Variants in MEX3B observed in about 807,000 individuals in gnomAD.
The protein encoded by MEX3B is RNA-binding protein MEX3B.
A neutral mutation model predicts 12.2 loss-of-function variants in MEX3B; 10 were observed. The observed-to-expected ratio is 0.82, with a 90% confidence interval of 0.51 to 1.40. The LOEUF (loss-of-function observed/expected upper bound fraction) is 1.40. Ranked by LOEUF, MEX3B falls within the 40% of genes most tolerant of loss-of-function variation. MEX3B has a pLI of 0.00. For missense variants in MEX3B, 839 were observed against 801.4 expected (o/e 1.05, Z -0.57); for synonymous variants, 498 against 356.3 (o/e 1.40, Z -4.48).
At position 82,044,600 on chromosome 15, in the gene MEX3B, T is replaced by C. The variant is rs2073244743; in HGVS notation, c.270A>G (p.Lys90=). ...EIVGRQGCKI[K]ALRAKTNTYI... ...AAGTATTGGTCTTCGCCCGCAGCGC[T>C]TTGATTTTACAACCTACGAACCAGG... Residue 90 remains lysine, a synonymous_variant, in exon 2 of 2, where the codon AAA becomes AAG. Transcript: ENST00000329713. This position sits in a 1 kb window ranked among gnomAD's most constrained non-coding sequence, Gnocchi z 5.3. The C allele has an allele frequency of 1.2e-5, 19 of 1,614,124 alleles. No individual in the cohort carries two copies. The highest frequency in any genetic ancestry group is 1.5e-5 in the Non-Finnish European group (18 of 1,180,028).
In MEX3B at chr15:82,043,239, T is replaced by C. The variant is rs373048829; in HGVS notation, c.1631A>G (p.Asn544Ser). 39 of 1,600,968 alleles carry C rather than the reference T, an allele frequency of 2.4e-5. No individual in the cohort carries two copies. The highest frequency in any genetic ancestry group is 3.4e-5 in the South Asian group (3 of 89,406). ...GHNLFCMECA[N>S]RICEKSEPEC... ...GGGCTCGCTCTTCTCACAGATGCGA[T>C]TGGCGCACTCCATGCAGAAGAGGTT... Residue 544 changes from asparagine (N) to serine (S), a missense_variant, in exon 2 of 2, where the codon AAT becomes AGT. By Grantham distance (46) the Asn-to-Ser change is conservative. Transcript: ENST00000329713.
rs765298795 is a variant in MEX3B, at chr15:82,044,643, G to GGA, written c.257-32_257-31dup. The GGA allele has an allele frequency of 3.7e-6, 6 of 1,610,224 alleles. No individual in the cohort carries two copies. The highest frequency in any genetic ancestry group is 2.2e-5 in the East Asian group (1 of 44,866). The stretch of plus-strand genomic sequence containing the variant: ...GAACCAGGGTGCGGAGGAGGGAGTG[G>GGA]GAGAGAGAGACAGACACGCCCATTA... On this transcript the variant is annotated intron_variant, in intron 1 of 1. Coordinates refer to ENST00000329713, the MANE Select transcript of MEX3B (RefSeq NM_032246.6). This position sits in a 1 kb window ranked among gnomAD's most constrained non-coding sequence, Gnocchi z 5.3.
rs1856057585 is a variant in MEX3B, at chr15:82,045,643, G to A, written c.63C>T (p.Ser21=). 2 of 1,579,130 alleles carry A rather than the reference G, an allele frequency of 1.3e-6. No individual in the cohort carries two copies. Among genetic ancestry groups the A allele is most frequent in the South Asian group, 2.3e-5 (2 of 87,756 alleles). ...RNGSGGGGGG[S]SGGGETLDDQ... ...CATCCAGGGTCTCTCCCCCTCCGCT[G>A]CTGCCGCCGCCGCCGCCGCCGCTGC... The change falls in exon 1 of 2, where the codon AGC becomes AGT. Residue 21 remains serine (S), a synonymous_variant. Coordinates refer to ENST00000329713, the MANE Select transcript of MEX3B (RefSeq NM_032246.6).
intron 1 of MEX3B, 35 bp downstream of exon 1, chr15:82,045,415 A>ACCCCCCCCCCCCACCCCCAACCC: frequency 1.3e-6 from 2 of 1,530,518 alleles, no homozygotes; most frequent in Non-Finnish European, 1.8e-6. Context: ...ACCCTACACC[A>ACCCCCCCCCCCCACCCCCAACCC]CCCCCACCCA....
Position 82,043,104 on chromosome 15 carries a change from TG to T in MEX3B, c.*55del. On this transcript the variant is annotated 3_prime_UTR_variant, in exon 2 of 2. Transcript: ENST00000329713. ...GCAGGCGAGCGCTGGGGAAAGAGGG[TG>T]GGGAGGGGTTCCCCCTTCCCCCAGC... The T allele has an allele frequency of 7.1e-7, 1 of 1,403,540 alleles. No homozygotes were observed. The allele number at this position is 1,403,540 out of a possible 1,614,324, so 86.9% of individuals were successfully genotyped here.
Position 82,043,445 on chromosome 15 carries a change from G to A in MEX3B, c.1425C>T (p.Ala475=), listed in dbSNP as rs1329769498. The A allele has an allele frequency of 6.4e-7, 1 of 1,554,266 alleles. No individual in the cohort carries two copies. Among genetic ancestry groups the A allele is most frequent in the East Asian group, 2.4e-5 (1 of 41,386 alleles). Residue 475 remains alanine, a synonymous_variant, in exon 2 of 2, where the codon GCC becomes GCT. Transcript: ENST00000329713. ...CAGGCAGCTGTGCCCCCAGCCCGTT[G>A]GCATAAGCGGCGTAGGCCAGGCCTC... ...GGGGLAYAAY[A]NGLGAQLPGL...
In MEX3B at chr15:82,043,126, C is replaced by T; in HGVS notation, c.*34G>A. The T allele has an allele frequency of 6.7e-7, 1 of 1,493,158 alleles. No individual in the cohort carries two copies. The highest frequency in any genetic ancestry group is 2.4e-5 in the East Asian group (1 of 41,870). 92.5% of individuals were successfully genotyped at this position (1,493,158 alleles called of 1,614,324 possible). A position where few individuals can be genotyped will look rare whatever the true frequency, so the allele number is the denominator to read the frequency against. On this transcript the variant is annotated 3_prime_UTR_variant, in exon 2 of 2. Transcript: ENST00000329713. ...GGGTGGGGAGGGGTTCCCCCTTCCC[C>T]CAGCACGGTGCGCACTAGCAGCGCC...
At position 82,043,520 on chromosome 15, in the gene MEX3B, C is replaced by G; in HGVS notation, c.1350G>C (p.Gly450=). 6.6e-7 allele frequency: 1 copy of G among 1,515,796 alleles called. No homozygotes were observed. Among genetic ancestry groups the G allele is most frequent in the Non-Finnish European group, 8.8e-7 (1 of 1,131,904 alleles). The allele number at this position is 1,515,796 out of a possible 1,614,324, so 93.9% of individuals were successfully genotyped here. The change falls in exon 2 of 2, where the codon GGG becomes GGC. Residue 450 remains glycine, a synonymous_variant. Transcript: ENST00000329713. ...RLSPPLHMAP[G]AGEHHLARRV... ...GGCGAGCCAGGTGGTGCTCTCCCGC[C>G]CCCGGGGCCATGTGCAAGGGTGGAG... is the stretch of plus-strand genomic sequence containing the variant.
chr15:82,043,767 G>A lies in MEX3B; in HGVS notation c.1103C>T (p.Ala368Val). 2 of 1,570,850 alleles carry A rather than the reference G, an allele frequency of 1.3e-6. No homozygotes were observed. The highest frequency in any genetic ancestry group is 2.2e-5 in the East Asian group (1 of 44,604). The change falls in exon 2 of 2, where the codon GCT (alanine) becomes GTT (valine). Residue 368 changes from alanine (A) to valine (V), a missense_variant. Coordinates refer to ENST00000329713, the MANE Select transcript of MEX3B (RefSeq NM_032246.6). Reference sequence around the variant, plus strand: ...GATAAGTGGTGCCCCAGGTGGGGGAGCGGGAGCCGGGTCAAAAGTGGGCTG... The same window carrying A: ...GATAAGTGGTGCCCCAGGTGGGGGAACGGGAGCCGGGTCAAAAGTGGGCTG... ...ELQPTFDPAP[A>V]PPPGAPLIWA...
chr15:82,045,799 C>G lies in MEX3B; in HGVS notation c.-94G>C. 1 of 1,272,094 alleles carries G rather than the reference C, an allele frequency of 7.9e-7. No homozygotes were observed. Among genetic ancestry groups the G allele is most frequent in the Non-Finnish European group, 1.0e-6 (1 of 1,004,802 alleles). The allele number at this position is 1,272,094 out of a possible 1,614,324, so 78.8% of individuals were successfully genotyped here. A position where few individuals can be genotyped will look rare whatever the true frequency, so the allele number is the denominator to read the frequency against. On this transcript the variant is annotated 5_prime_UTR_variant, in exon 1 of 2. Coordinates refer to ENST00000329713, the MANE Select transcript of MEX3B (RefSeq NM_032246.6). ...CAGCCGGGAAGCGGGTGGTCAGGGG[C>G]GGGGAGGCCGGTCGCCTGCTGAGGG...
At position 82,045,668 on chromosome 15, in the gene MEX3B, C is replaced by T; in HGVS notation, c.38G>A (p.Gly13Asp). Residue 13 changes from glycine to aspartate, a missense_variant, in exon 1 of 2, where the codon GGC becomes GAC. Transcript: ENST00000329713. ...SSLFADLERN[G>D]SGGGGGGSSG... Reference sequence around the variant, plus strand: ...GCTGCCGCCGCCGCCGCCGCCGCTGCCGTTGCGCTCCAGGTCTGCGAACAG... The same window carrying T: ...GCTGCCGCCGCCGCCGCCGCCGCTGTCGTTGCGCTCCAGGTCTGCGAACAG... The T allele has an allele frequency of 6.4e-7, 1 of 1,553,144 alleles. No individual in the cohort carries two copies.
rs1303243129 is a variant in MEX3B at position 82,043,202 on chromosome 15, G to A, written c.1668C>T (p.Val556=). Residue 556 remains valine, a synonymous_variant, in exon 2 of 2, where the codon GTC becomes GTT. Coordinates refer to ENST00000329713, the MANE Select transcript of MEX3B (RefSeq NM_032246.6). ...TGGCCTGAGTGACCGCGGTGTGGCA[G>A]ACCGGGCACTCGGGCTCGCTCTTCT... ...ICEKSEPECP[V]CHTAVTQAIR... The A allele has an allele frequency of 1.3e-6, 2 of 1,564,042 alleles. No homozygotes were observed. Among genetic ancestry groups the A allele is most frequent in the Non-Finnish European group, 8.7e-7 (1 of 1,154,694 alleles).
chr15:82,044,683 CG>C lies in MEX3B; in HGVS notation c.257-71del. 2.0e-6 allele frequency: 3 copies of C among 1,470,654 alleles called. No individual in the cohort carries two copies. Among genetic ancestry groups the C allele is most frequent in the Non-Finnish European group, 2.8e-6 (3 of 1,057,018 alleles). The allele number at this position is 1,470,654 out of a possible 1,614,324, so 91.1% of individuals were successfully genotyped here. On this transcript the variant is annotated intron_variant, in intron 1 of 1. Transcript: ENST00000329713. This position sits in a 1 kb window ranked among gnomAD's most constrained non-coding sequence, Gnocchi z 5.3. ...CACGCCCATTATCCTGGGGTAACCG[CG>C]GGGACCGGGGACAGCCCGCGTCCAG...
rs2073229871 is a variant in MEX3B, at chr15:82,043,092, G to C, written c.*68C>G. ...GCACCCAGGGAGGCAGGCGAGCGCT[G>C]GGGAAAGAGGGTGGGGAGGGGTTCC... On this transcript the variant is annotated 3_prime_UTR_variant, in exon 2 of 2. Coordinates refer to ENST00000329713, the MANE Select transcript of MEX3B (RefSeq NM_032246.6). 2.9e-6 allele frequency: 4 copies of C among 1,371,882 alleles called. No homozygotes were observed. Among genetic ancestry groups the C allele is most frequent in the African/African-American group, 1.5e-5 (1 of 67,308 alleles). The allele number at this position is 1,371,882 out of a possible 1,614,324, so 85.0% of individuals were successfully genotyped here. A position where few individuals can be genotyped will look rare whatever the true frequency, so the allele number is the denominator to read the frequency against.
At position 82,044,523 on chromosome 15, in the gene MEX3B, C is replaced by T. The variant is rs927324112; in HGVS notation, c.347G>A (p.Arg116Lys). The T allele has an allele frequency of 6.2e-7, 1 of 1,614,206 alleles. No individual in the cohort carries two copies. Among genetic ancestry groups the T allele is most frequent in the Non-Finnish European group, 8.5e-7 (1 of 1,180,052 alleles). The change falls in exon 2 of 2, where the codon AGG becomes AAG. Residue 116 changes from arginine (R) to lysine (K), a missense_variant. By Grantham distance (26) the Arg-to-Lys change is conservative. This residue lies in a region of MEX3B where 214 missense variants were observed against 223.8 expected (regional missense o/e 0.96). Transcript: ENST00000329713. The surrounding 1 kb of genome is among the most constrained non-coding windows in gnomAD (Gnocchi z 5.3). ...CCGAGCCATGGCCACATCCTCCTTC[C>T]TGCCCGTCACAACAAAGACAGGCTC... The part of the protein sequence containing the change: ...GEEPVFVVTG[R>K]KEDVAMARRE...
In MEX3B at chr15:82,044,190, A is replaced by T. The variant is rs1281119162; in HGVS notation, c.680T>A (p.Leu227Gln). The change falls in exon 2 of 2, where the codon CTG becomes CAG. Residue 227 changes from leucine (L) to glutamine (Q), a missense_variant. Physicochemically the swap from Leu to Gln is moderately radical, Grantham distance 113. Transcript: ENST00000329713. The surrounding 1 kb of genome is among the most constrained non-coding windows in gnomAD (Gnocchi z 5.3). The part of the protein sequence containing the change: ...AREEIEAHIA[L>Q]RTGGIIELTD... ...GAGCTCAATGATGCCGCCGGTACGC[A>T]GAGCAATGTGCGCCTCAATCTCCTC... 1 of 1,614,044 alleles carries T rather than the reference A, an allele frequency of 6.2e-7. No homozygotes were observed. The highest frequency in any genetic ancestry group is 1.3e-5 in the African/African-American group (1 of 75,056).
At position 82,045,856 on chromosome 15, in the gene MEX3B, GTGGGTC is replaced by G. The variant is rs1384724100; in HGVS notation, c.-157_-152del. On this transcript the variant is annotated 5_prime_UTR_variant, in exon 1 of 2. Coordinates refer to ENST00000329713, the MANE Select transcript of MEX3B (RefSeq NM_032246.6). ...TGCTTCTTCCTCGGTGCTGGGAGGA[GTGGGTC>G]GCTCCGTGCGGTCCGCACCGGGCAG... The G allele has an allele frequency of 1.1e-6, 1 of 870,176 alleles. No individual in the cohort carries two copies. The highest frequency in any genetic ancestry group is 1.8e-5 in the African/African-American group (1 of 56,102). The allele number at this position is 870,176 out of a possible 1,614,324, so 53.9% of individuals were successfully genotyped here.
intron 1 of MEX3B, chr15:82,045,071 T>C: frequency 1.7e-6 from 1 of 596,722 alleles, no homozygotes; most frequent in Non-Finnish European, 3.0e-6. Flanking sequence ...CATTCCGCTT[T>C]GCAGAAATCC....
rs1261973916 is a variant in MEX3B, at chr15:82,044,021, G to C, written c.849C>G (p.Ser283Arg). The change falls in exon 2 of 2, where the codon AGC becomes AGG. Residue 283 changes from serine (S) to arginine (R), a missense_variant. Ser to Arg is a moderately radical substitution (Grantham distance 110). Transcript: ENST00000329713. The surrounding 1 kb of genome is among the most constrained non-coding windows in gnomAD (Gnocchi z 5.3). ...TPTPGRKPFS[S>R]YRNDSSSSLG... The stretch of plus-strand genomic sequence containing the variant: ...GCGAGCTGGAGCTGTCGTTGCGGTA[G>C]CTAGAGAAAGGCTTGCGGCCGGGGG... The C allele has an allele frequency of 2.5e-6, 4 of 1,608,486 alleles. 1 individual carries two copies. The highest frequency in any genetic ancestry group is 2.2e-5 in the South Asian group (2 of 91,046).
Sources: allele counts gnomAD v4.1 joint callset, GRCh38; gene constraint gnomAD v4.1.1; regional missense constraint gnomAD v4.1.1; non-coding constraint Gnocchi (gnomAD v3.1); transcripts MANE v1.5; gene names NCBI Gene and HGNC (gene_info 2026-07-23, HGNC 2026-07-21).